The following DDX42 variants were observed in gnomAD, a reference collection of about 807,000 sequenced individuals.
DDX42 encodes ATP-dependent RNA helicase DDX42.
DDX42 carries 22 observed loss-of-function variants against 101.5 expected under a neutral mutation model. That is an observed-to-expected ratio of 0.22 (90% CI 0.15 to 0.31). The LOEUF is 0.31. Among genes scored for constraint, DDX42 ranks in the 10% least tolerant of loss-of-function variants. The probability of loss-of-function intolerance (pLI) is 1.00; values close to 1 mark genes in which losing one functional copy is unlikely to be tolerated. For missense variants in DDX42, 849 were observed against 1,199.9 expected, an observed-to-expected ratio of 0.71 and a Z score of 4.32; for synonymous variants, 402 against 401.2, an observed-to-expected ratio of 1.00 and a Z score of -0.02.
At chr17:63,798,180 G>A in intron 4 of DDX42, 81 bp downstream of exon 4, 6 of 1,336,542 alleles carry the variant, frequency 4.5e-6, no homozygotes, top group Admixed American at 1.9e-5. Context: ...AAAGTTTATA[G>A]AGAAAAAATA....
At position 63,798,312 on chromosome 17, in the gene DDX42, A is replaced by G. The variant is rs548918823; in HGVS notation, c.434+213A>G. The G allele has an allele frequency of 9.7e-4, 424 of 435,152 alleles. 6 individuals carry two copies. The highest frequency in any genetic ancestry group is 9.7e-3 in the South Asian group (263 of 27,176). The allele number at this position is 435,152 out of a possible 1,614,324, so 27.0% of individuals were successfully genotyped here. On this transcript the variant is annotated intron_variant, in intron 4 of 17. Coordinates refer to ENST00000389924, the MANE Select transcript of DDX42 (RefSeq NM_203499.3). ...AAAGCATTCAGTTTGGTAGAATAGT[A>G]TTTGGTCTTTGACTATAAATAGTTG... is the stretch of plus-strand genomic sequence containing the variant.
chr17:63,811,647 A>G (rs539514216), intron 13 of DDX42: 4 of 528,292 alleles, frequency 7.6e-6, no homozygotes, highest in South Asian at 2.3e-5. Flanking sequence ...CTTGGAATTC[A>G]GTTATGGCTG....
rs75421314 is a variant in DDX42 at position 63,779,947 on chromosome 17, C to T, written c.-17+5571C>T. The stretch of plus-strand genomic sequence containing the variant: ...TTTGCTTCTTCTGTCAGCTATACTC[C>T]CACAAATCTCTGTGATTGTCAAGGT... On this transcript the variant is annotated intron_variant, in intron 1 of 17. Transcript: ENST00000389924. Among the ~76,000 whole-genome samples, 712 of 152,198 alleles carry T rather than the reference C, an allele frequency of 4.7e-3. 3 individuals are homozygous for T. The highest frequency in any genetic ancestry group is 8.2e-3 in the Non-Finnish European group (557 of 68,016).
At chr17:63,785,276 C>T (rs1442777671) in intron 1 of DDX42, among the ~76,000 whole-genome samples, 1 of 150,838 alleles carries the variant, frequency 6.6e-6, no homozygotes, top group Non-Finnish European at 1.5e-5. Flanking sequence ...CCAGACCAGC[C>T]CATCTCTACT....
chr17:63,781,298 A>G (rs1287557859), intron 1 of DDX42, among the ~76,000 whole-genome samples: 2 of 152,142 alleles, frequency 1.3e-5, no homozygotes, highest in African/African-American at 2.4e-5. Context: ...GCTCACCGCA[A>G]GCTCTACCTC....
intron 6 of DDX42, among the ~76,000 whole-genome samples, chr17:63,803,757 C>G (rs1002590155): frequency 1.3e-5 from 2 of 151,550 alleles, no homozygotes; most frequent in African/African-American, 4.8e-5. Flanking sequence ...TCAAGAGATT[C>G]TCCTGCCTCA....
chr17:63,816,308 TATA>T (rs1477353057), intron 16 of DDX42, among the ~76,000 whole-genome samples: 2 of 152,314 alleles, frequency 1.3e-5, no homozygotes, highest in East Asian at 1.9e-4. Context: ...GTTCCCACAT[TATA>T]ATAATAATGA....
chr17:63,791,640 T>A (rs1011205885), intron 2 of DDX42, among the ~76,000 whole-genome samples: 10 of 152,200 alleles, frequency 6.6e-5, no homozygotes, highest in African/African-American at 2.4e-4. Context: ...CCGGAAGTTT[T>A]CTGTTGGTCC....
intron 11 of DDX42, chr17:63,810,237 C>G (rs2039892778): frequency 4.5e-6 from 1 of 224,552 alleles, no homozygotes; most frequent in Admixed American, 5.7e-5. Context: ...AGGCACCTAC[C>G]CCACAGCCTG....
intron 1 of DDX42, among the ~76,000 whole-genome samples, chr17:63,785,544 G>A (rs980984014): frequency 6.8e-6 from 1 of 146,718 alleles, no homozygotes; most frequent in Admixed American, 6.8e-5. Flanking sequence ...AGAGGGGGGG[G>A]TCTCTTGAGG....
chr17:63,809,049 G>A, intron 10 of DDX42, 101 bp downstream of exon 10: 1 of 1,503,416 alleles, frequency 6.7e-7, no homozygotes, highest in South Asian at 1.3e-5. Context: ...TAAAAGCAGG[G>A]TTGAAAATAT....
intron 15 of DDX42, 46 bp from the exon 16 acceptor site, chr17:63,815,517 T>C (rs2039966567): frequency 7.0e-7 from 1 of 1,436,700 alleles, no homozygotes; most frequent in Non-Finnish European, 9.7e-7. Context: ...CTTCTTCTGT[T>C]CTTTTCTCCC....
intron 6 of DDX42, among the ~76,000 whole-genome samples, chr17:63,804,222 A>T (rs1391589233): frequency 1.3e-5 from 2 of 152,038 alleles, no homozygotes; most frequent in African/African-American, 2.4e-5. Context: ...AGGCAGGAGA[A>T]TCACTTGAGC....
chr17:63,799,260 C>T (rs1394531420), intron 4 of DDX42, among the ~76,000 whole-genome samples: 5 of 152,034 alleles, frequency 3.3e-5, no homozygotes, highest in African/African-American at 1.2e-4. Flanking sequence ...TTTTCACAAC[C>T]GCATTGTTTG....
At chr17:63,789,563 TTGTTTTTG>T (rs1567733066) in intron 2 of DDX42, among the ~76,000 whole-genome samples, 3,119 of 39,346 alleles carry the variant, frequency 0.079, 619 homozygotes, top group African/African-American at 0.23. Flanking sequence ...GTTTTTGTTT[TTGTTTTTG>T]TTTTTTTTTT....
chr17:63,775,100 A>C (rs1157313459), intron 1 of DDX42: 1 of 152,570 alleles, frequency 6.6e-6, no homozygotes, highest in East Asian at 1.9e-4. Flanking sequence ...TCTCGTATAC[A>C]CACCCAGGAC....
At chr17:63,778,663 C>T (rs2039450151) in intron 1 of DDX42, among the ~76,000 whole-genome samples, 1 of 150,392 alleles carries the variant, frequency 6.6e-6, no homozygotes, top group African/African-American at 2.5e-5. Flanking sequence ...TTTTTTAAGA[C>T]AGCATCTCGC....
In DDX42 at chr17:63,807,897, G is replaced by A; in HGVS notation, c.1020G>A (p.Gln340=). 4 of 1,610,904 alleles carry A rather than the reference G, an allele frequency of 2.5e-6. No individual in the cohort carries two copies. Among genetic ancestry groups the A allele is most frequent in the Non-Finnish European group, 3.4e-6 (4 of 1,178,508 alleles). ...TGTGTCCTACCAGGGAGCTTTGCCA[G>A]CAGGTATGTGCTTTCTATAGAATGC... ...VIVCPTRELC[Q]QIHAECKRFG... is the part of the protein sequence containing the mutation. Residue 340 remains glutamine, a synonymous_variant, in exon 9 of 18, where the codon CAG becomes CAA. Coordinates refer to ENST00000389924, the MANE Select transcript of DDX42 (RefSeq NM_203499.3).
intron 6 of DDX42, among the ~76,000 whole-genome samples, chr17:63,803,681 CTG>C (rs2039802056): frequency 6.7e-6 from 1 of 150,108 alleles, no homozygotes; most frequent in Non-Finnish European, 1.5e-5. Flanking sequence ...GAGTCCTGCT[CTG>C]TCGCCCAGGC....
Sources: allele counts gnomAD v4.1 joint callset (sites outside exome capture counted in the v4.1 genomes callset), GRCh38; gene constraint gnomAD v4.1.1; transcripts MANE v1.5; gene names NCBI Gene and HGNC (gene_info 2026-07-23, HGNC 2026-07-21).